The following SOS1 variants were observed in gnomAD, a reference collection of about 807,000 sequenced individuals.
SOS1 encodes the protein son of sevenless homolog 1.
In SOS1, 25 loss-of-function variants were observed where a neutral mutation model predicts 157.6. The observed-to-expected ratio is 0.16, with a 90% confidence interval of 0.12 to 0.22. The LOEUF (loss-of-function observed/expected upper bound fraction) is 0.22. Ranked by LOEUF, SOS1 falls within the 10% of genes least tolerant of loss-of-function variation. The probability of loss-of-function intolerance (pLI) is 1.00; values close to 1 mark genes in which losing one functional copy is unlikely to be tolerated. For missense variants in SOS1, 1,237 were observed against 1,599.1 expected (o/e 0.77, Z 3.86); for synonymous variants, 528 against 534.0 (o/e 0.99, Z 0.16).
chr2:39,104,802 T>C (rs1354095240), intron 1 of SOS1, among the ~76,000 whole-genome samples: 2 of 152,166 alleles, frequency 1.3e-5, no homozygotes, highest in East Asian at 1.9e-4. Flanking sequence ...TAAATGAAAG[T>C]AGTCAGACAC....
chr2:39,095,959 C>A (rs1257351139), intron 1 of SOS1, among the ~76,000 whole-genome samples: 1 of 152,096 alleles, frequency 6.6e-6, no homozygotes, highest in South Asian at 2.1e-4. Flanking sequence ...ACAGTTGATA[C>A]CTGAGAAGCT....
In SOS1 at chr2:39,014,747, T is replaced by C; in HGVS notation, c.1940+18A>G. 1 of 1,327,746 alleles carries C rather than the reference T, an allele frequency of 7.5e-7. No homozygotes were observed. Among genetic ancestry groups the C allele is most frequent in the East Asian group, 2.3e-5 (1 of 43,244 alleles). The allele number at this position is 1,327,746 out of a possible 1,614,324, so 82.2% of individuals were successfully genotyped here. On this transcript the variant is annotated intron_variant, in intron 11 of 22. Transcript: ENST00000402219. ...TAACAAAAAATAATGAATTTAAATA[T>C]TTTTTAAATGGACAGACCTTTCTAT... is the stretch of plus-strand genomic sequence containing the variant.
chr2:39,061,539 A>T (rs1193265020), intron 2 of SOS1, among the ~76,000 whole-genome samples: 1 of 152,062 alleles, frequency 6.6e-6, no homozygotes, highest in Non-Finnish European at 1.5e-5. Flanking sequence ...AAGTACGTGC[A>T]CCATGCCCAG....
chr2:39,079,712 C>G (rs560800343), intron 1 of SOS1, among the ~76,000 whole-genome samples: 1 of 152,212 alleles, frequency 6.6e-6, no homozygotes, highest in Admixed American at 6.5e-5. Context: ...TCAGGCTGGT[C>G]TCAAACTCCT....
At chr2:39,092,873 G>C (rs1023541521) in intron 1 of SOS1, among the ~76,000 whole-genome samples, 1 of 152,088 alleles carries the variant, frequency 6.6e-6, no homozygotes, top group Non-Finnish European at 1.5e-5. Flanking sequence ...AGGCATTTGA[G>C]AAAAACTTCA....
intron 8 of SOS1, among the ~76,000 whole-genome samples, chr2:39,030,483 T>C (rs1475863582): frequency 2.0e-5 from 3 of 151,764 alleles, no homozygotes; most frequent in Non-Finnish European, 2.9e-5. Context: ...GATGAGAAGA[T>C]TGTTTGAGCC....
At chr2:38,991,658 T>C (rs1315907959) in intron 20 of SOS1, among the ~76,000 whole-genome samples, 1 of 152,220 alleles carries the variant, frequency 6.6e-6, no homozygotes, top group African/African-American at 2.4e-5. Flanking sequence ...CTCTGCCCTG[T>C]CTTTGCCACA....
intron 20 of SOS1, among the ~76,000 whole-genome samples, 179 bp downstream of exon 20, chr2:38,994,944 G>A (rs1472552411): frequency 6.6e-6 from 1 of 152,102 alleles, no homozygotes; most frequent in Non-Finnish European, 1.5e-5. Context: ...AGATTTTTTA[G>A]AAATTTCAAG....
At chr2:39,039,524 T>C (rs977214665) in intron 6 of SOS1, among the ~76,000 whole-genome samples, 1 of 152,244 alleles carries the variant, frequency 6.6e-6, no homozygotes, top group Admixed American at 6.5e-5. Flanking sequence ...CCCTGATTAC[T>C]AGTAAGGTTG....
At position 39,120,398 on chromosome 2, in the gene SOS1, C is replaced by T. The variant is rs1347187972; in HGVS notation, c.25G>A (p.Glu9Lys). The change falls in exon 1 of 23, where the codon GAG (glutamate) becomes AAG (lysine). Residue 9 changes from glutamate to lysine, a missense_variant. Transcript: ENST00000402219. MQAQQLPY[E>K]FFSEENAPKW... is the part of the protein sequence containing the mutation. Reference sequence around the variant, plus strand: ...GGCGCGTTCTCTTCGCTGAAAAACTCGTAGGGCAGCTGCTGCGCCTGCATG... The same window carrying T: ...GGCGCGTTCTCTTCGCTGAAAAACTTGTAGGGCAGCTGCTGCGCCTGCATG... 1.3e-6 allele frequency: 2 copies of T among 1,599,714 alleles called. No homozygotes were observed. Among genetic ancestry groups the T allele is most frequent in the Non-Finnish European group, 1.7e-6 (2 of 1,174,536 alleles).
intron 15 of SOS1, among the ~76,000 whole-genome samples, chr2:39,008,240 G>A (rs1307251095): frequency 6.6e-6 from 1 of 152,132 alleles, no homozygotes; most frequent in Non-Finnish European, 1.5e-5. Context: ...CCCTTCCTCT[G>A]GTTCCTGAGG....
At chr2:39,049,659 C>A (rs1210864365) in intron 6 of SOS1, among the ~76,000 whole-genome samples, 5 of 152,192 alleles carry the variant, frequency 3.3e-5, no homozygotes, top group African/African-American at 9.6e-5. Context: ...TAGTGGGAGA[C>A]TTAATGTTTT....
At chr2:39,023,910 T>G in intron 9 of SOS1, 100 bp downstream of exon 9, 1 of 820,692 alleles carries the variant, frequency 1.2e-6, no homozygotes, top group Non-Finnish European at 2.0e-6. Context: ...TCACTAAAAC[T>G]ATTTTCTTCA....
chr2:39,034,966 C>A (rs1166807463), intron 8 of SOS1: 30 of 539,452 alleles, frequency 5.6e-5, no homozygotes, highest in East Asian at 1.1e-4. Context: ...CACTAAAAAA[C>A]CAAAAATAAA....
At chr2:38,998,042 C>T (rs544864963) in intron 17 of SOS1, among the ~76,000 whole-genome samples, 3 of 152,150 alleles carry the variant, frequency 2.0e-5, no homozygotes, top group South Asian at 2.1e-4. Flanking sequence ...TGTGGGACTG[C>T]ATACGATTTA....
chr2:39,067,634 A>C lies in SOS1; in HGVS notation c.207T>G (p.Asp69Glu). ...AAGACAACATTTGTCATACCTCTACATCTGAAGCACTTCGGGGCTGAGCTT... is the reference window on the plus strand; with the variant it reads ...AAGACAACATTTGTCATACCTCTACCTCTGAAGCACTTCGGGGCTGAGCTT... Reference protein sequence around the residue: ...LCQAQPRSASDVEERVQKSFP... With the variant: ...LCQAQPRSASEVEERVQKSFP... The change falls in exon 2 of 23, where the codon GAT becomes GAG. Residue 69 changes from aspartate (D) to glutamate (E), a missense_variant. Physicochemically the swap from Asp to Glu is conservative, Grantham distance 45. This residue lies in a region of SOS1 where 99 missense variants were observed against 81.6 expected (regional missense o/e 1.21). Coordinates refer to ENST00000402219, the MANE Select transcript of SOS1 (RefSeq NM_005633.4). 6.2e-7 allele frequency: 1 copy of C among 1,613,448 alleles called. No homozygotes were observed. Among genetic ancestry groups the C allele is most frequent in the African/African-American group, 1.3e-5 (1 of 75,028 alleles).
At chr2:39,004,405 T>TAAAAA (rs1669217359) in intron 17 of SOS1, among the ~76,000 whole-genome samples, 1 of 11,866 alleles carries the variant, frequency 8.4e-5, no homozygotes, top group African/African-American at 3.0e-4. Flanking sequence ...AGACTCTGTG[T>TAAAAA]CAAAAAAAAA....
Position 39,032,570 on chromosome 2 carries a change from A to C in SOS1, c.1074+2642T>G, listed in dbSNP as rs1670199394. ...CACTGTAATAGGTATGAGAATTCAA[A>C]GATAATAGGGCTCCATTCTTCACAG... On this transcript the variant is annotated intron_variant, in intron 8 of 22. Transcript: ENST00000402219. Among the ~76,000 whole-genome samples the C allele has an allele frequency of 2.0e-5, 3 of 152,240 alleles. No homozygotes were observed. The South Asian group carries it at 6.2e-4, about 31-fold the overall frequency.
At chr2:39,099,323 T>C (rs1672883825) in intron 1 of SOS1, among the ~76,000 whole-genome samples, 1 of 152,230 alleles carries the variant, frequency 6.6e-6, no homozygotes, top group Non-Finnish European at 1.5e-5. Context: ...GAAAACATTT[T>C]GCTAAGTGAA....
Sources: allele counts gnomAD v4.1 joint callset (sites outside exome capture counted in the v4.1 genomes callset), GRCh38; gene constraint gnomAD v4.1.1; regional missense constraint gnomAD v4.1.1; transcripts MANE v1.5; gene names NCBI Gene and HGNC (gene_info 2026-07-23, HGNC 2026-07-21).